The following DNER variants were observed in gnomAD, a reference collection of about 807,000 sequenced individuals.
The protein encoded by DNER is delta and Notch-like epidermal growth factor-related receptor.
Under a neutral mutation model 78.2 loss-of-function variants are expected in DNER, and 33 were observed. That is an observed-to-expected ratio of 0.42 (90% CI 0.32 to 0.56). DNER has a LOEUF of 0.56. Ranked by LOEUF, DNER falls within the 20% of genes least tolerant of loss-of-function variation. DNER has a pLI of 0.11. For synonymous variants in DNER, 417 were observed against 384.8 expected, an observed-to-expected ratio of 1.08 and a Z score of -0.98; for missense variants, 918 against 975.3, an observed-to-expected ratio of 0.94 and a Z score of 0.78.
At chr2:229,487,903 C>T (rs962397827) in intron 6 of DNER, among the ~76,000 whole-genome samples, 1 of 152,196 alleles carries the variant, frequency 6.6e-6, no homozygotes, top group Non-Finnish European at 1.5e-5. Context: ...CACTGATGTG[C>T]CGGGGAAACA....
intron 1 of DNER, among the ~76,000 whole-genome samples, chr2:229,611,954 T>C (rs1391579950): frequency 2.0e-5 from 3 of 152,222 alleles, no homozygotes; most frequent in Non-Finnish European, 4.4e-5. Flanking sequence ...AGCTTTTGCA[T>C]TGGTAGCCTG....
chr2:229,519,515 T>A (rs1696052179), intron 5 of DNER, among the ~76,000 whole-genome samples: 1 of 152,102 alleles, frequency 6.6e-6, no homozygotes, highest in Non-Finnish European at 1.5e-5. Flanking sequence ...ACCTTCACCA[T>A]GTCTGTCAGG....
rs1692362701 is a variant in DNER, at chr2:229,366,973, C to T, written c.2002G>A (p.Glu668Lys). 6.2e-7 allele frequency: 1 copy of T among 1,614,130 alleles called. No homozygotes were observed. Among genetic ancestry groups the T allele is most frequent in the Non-Finnish European group, 8.5e-7 (1 of 1,180,028 alleles). Residue 668 changes from glutamate (E) to lysine (K), a missense_variant, in exon 12 of 13, where the codon GAA (glutamate) becomes AAA (lysine). Physicochemically the swap from Glu to Lys is moderately conservative, Grantham distance 56. Coordinates refer to ENST00000341772, the MANE Select transcript of DNER (RefSeq NM_139072.4). ...IVGICRISRI[E>K]YQGSSRPAYE... ...GCTGGCCTGGAAGAACCCTGGTATT[C>T]AATGCGGCTGATGCGGCAAATCCCC...
intron 6 of DNER, among the ~76,000 whole-genome samples, chr2:229,488,605 A>C (rs1695329462): frequency 6.6e-6 from 1 of 152,248 alleles, no homozygotes; most frequent in South Asian, 2.1e-4. Flanking sequence ...AATTCAACCC[A>C]GGACTGCAGA....
At chr2:229,597,889 T>C (rs937305223) in intron 1 of DNER, among the ~76,000 whole-genome samples, 5 of 152,202 alleles carry the variant, frequency 3.3e-5, no homozygotes, top group African/African-American at 7.2e-5. Context: ...AGAGCAGTTC[T>C]GGGGGAATGG....
chr2:229,695,472 G>A (rs967018666), intron 1 of DNER, among the ~76,000 whole-genome samples: 7 of 152,214 alleles, frequency 4.6e-5, no homozygotes, highest in Admixed American at 1.3e-4. Context: ...TGTTTGCAAT[G>A]TCTGGGCATT....
chr2:229,392,737 G>C (rs781317519), intron 10 of DNER, among the ~76,000 whole-genome samples: 1 of 152,112 alleles, frequency 6.6e-6, no homozygotes, highest in African/African-American at 2.4e-5. Context: ...TATCCCTAGA[G>C]TAAGGCTACT....
chr2:229,445,331 G>A (rs1169882556), intron 8 of DNER, among the ~76,000 whole-genome samples: 1 of 152,336 alleles, frequency 6.6e-6, no homozygotes, highest in East Asian at 1.9e-4. Context: ...CCCTGGCTCT[G>A]AAGGAGAGCA....
At chr2:229,471,967 C>T (rs555468532) in intron 7 of DNER, among the ~76,000 whole-genome samples, 14 of 152,140 alleles carry the variant, frequency 9.2e-5, no homozygotes, top group Non-Finnish European at 1.8e-4. Context: ...GGCCAGAGAA[C>T]GACACCAAAT....
intron 12 of DNER, among the ~76,000 whole-genome samples, chr2:229,362,619 C>T (rs1400297153): frequency 6.6e-6 from 1 of 152,174 alleles, no homozygotes; most frequent in Non-Finnish European, 1.5e-5. Context: ...TAATGGGGGA[C>T]TAATGATACA....
At chr2:229,659,467 A>G (rs562205308) in intron 1 of DNER, among the ~76,000 whole-genome samples, 1 of 152,112 alleles carries the variant, frequency 6.6e-6, no homozygotes. Flanking sequence ...TTTTGGTCTC[A>G]AGATCTGAAC....
At chr2:229,697,943 A>G (rs1699687067) in intron 1 of DNER, among the ~76,000 whole-genome samples, 2 of 152,170 alleles carry the variant, frequency 1.3e-5, no homozygotes, top group African/African-American at 4.8e-5. Flanking sequence ...TAATCCTAAC[A>G]CTTTGGGAGG....
At position 229,678,317 on chromosome 2, in the gene DNER, T is replaced by G. The variant is rs551900441; in HGVS notation, c.276+35831A>C. On this transcript the variant is annotated intron_variant, in intron 1 of 12. Coordinates refer to ENST00000341772, the MANE Select transcript of DNER (RefSeq NM_139072.4). The stretch of plus-strand genomic sequence containing the variant: ...TAGTGAAGACACTACAAATACCTCC[T>G]TCATGAGATTCTGATGGGATTCTAC... 2.0e-5 allele frequency among the ~76,000 whole-genome samples: 3 copies of G among 152,170 alleles called. No homozygotes were observed. In the South Asian group the frequency reaches 6.3e-4, roughly 32 times the overall value.
chr2:229,586,449 C>CGT (rs1435307580), intron 3 of DNER, among the ~76,000 whole-genome samples: 1 of 101,830 alleles, frequency 9.8e-6, no homozygotes, highest in African/African-American at 4.1e-5. Flanking sequence ...CCCACACACA[C>CGT]ACACAATCAC....
At chr2:229,626,981 T>C (rs1698356451) in intron 1 of DNER, among the ~76,000 whole-genome samples, 1 of 152,204 alleles carries the variant, frequency 6.6e-6, no homozygotes, top group South Asian at 2.1e-4. Flanking sequence ...GTTGGAAAAC[T>C]GAGGTCAAGG....
At chr2:229,632,387 C>T (rs1698446115) in intron 1 of DNER, among the ~76,000 whole-genome samples, 1 of 152,162 alleles carries the variant, frequency 6.6e-6, no homozygotes, top group African/African-American at 2.4e-5. Context: ...AGAAACTCAG[C>T]AGCTCACAAA....
chr2:229,537,287 C>T (rs1332968144), intron 5 of DNER, among the ~76,000 whole-genome samples: 1 of 152,088 alleles, frequency 6.6e-6, no homozygotes, highest in Non-Finnish European at 1.5e-5. Context: ...TCGTAGTGAA[C>T]ATTAAAACTT....
chr2:229,516,233 G>T (rs978777100), intron 5 of DNER, among the ~76,000 whole-genome samples: 5 of 152,152 alleles, frequency 3.3e-5, no homozygotes, highest in African/African-American at 9.7e-5. Context: ...AGAACAAAGA[G>T]CTTTCCTATA....
chr2:229,629,436 G>A (rs1276212215), intron 1 of DNER, among the ~76,000 whole-genome samples: 1 of 152,192 alleles, frequency 6.6e-6, no homozygotes, highest in Non-Finnish European at 1.5e-5. Flanking sequence ...TAGTCACTAT[G>A]TGGAGACCTC....
Sources: allele counts gnomAD v4.1 joint callset (sites outside exome capture counted in the v4.1 genomes callset), GRCh38; gene constraint gnomAD v4.1.1; transcripts MANE v1.5; gene names NCBI Gene and HGNC (gene_info 2026-07-23, HGNC 2026-07-21).